The following ZNF227 variants were observed in gnomAD, a reference collection of about 807,000 sequenced individuals.
The protein encoded by ZNF227 is zinc finger protein 227.
ZNF227 carries 12 observed loss-of-function variants against 13.2 expected under a neutral mutation model. That is an observed-to-expected ratio of 0.91 (90% CI 0.58 to 1.47). ZNF227 has a LOEUF of 1.47. Among genes scored for constraint, ZNF227 ranks in the 40% most tolerant of loss-of-function variants. ZNF227 has a pLI of 0.00. For synonymous variants in ZNF227, 338 were observed against 326.0 expected (o/e 1.04, Z -0.40); for missense variants, 885 against 967.5 (o/e 0.91, Z 1.13).
In ZNF227 at chr19:44,228,527, T is replaced by C. The variant is rs148898696; in HGVS notation, c.142T>C (p.Tyr48His). 4 of 1,613,824 alleles carry C rather than the reference T, an allele frequency of 2.5e-6. No individual in the cohort carries two copies. Among genetic ancestry groups the C allele is most frequent in the Non-Finnish European group, 3.4e-6 (4 of 1,179,942 alleles). ...RLLDLTQRKL[Y>H]RDVMVENFKN... The stretch of plus-strand genomic sequence containing the variant: ...GCTCGATCTTACCCAGAGGAAGCTG[T>C]ACCGAGATGTCATGGTGGAGAACTT... Residue 48 changes from tyrosine (Y) to histidine (H), a missense_variant, in exon 4 of 6, where the codon TAC (tyrosine) becomes CAC (histidine). Physicochemically the swap from Tyr to His is moderately conservative, Grantham distance 83 (BLOSUM62 2). Transcript: ENST00000313040.
chr19:44,220,559 C>A (rs1972386059), intron 3 of ZNF227, among the ~76,000 whole-genome samples: 1 of 152,132 alleles, frequency 6.6e-6, no homozygotes, highest in Non-Finnish European at 1.5e-5. Context: ...TGGCCCTCCC[C>A]TCTCACCCAG....
chr19:44,218,073 C>G (rs978098611), intron 3 of ZNF227, among the ~76,000 whole-genome samples: 12 of 152,150 alleles, frequency 7.9e-5, no homozygotes. Context: ...ATAATCTATG[C>G]TACTACCCTG....
intron 3 of ZNF227, among the ~76,000 whole-genome samples, chr19:44,218,632 C>G (rs1226141579): frequency 6.6e-6 from 1 of 152,196 alleles, no homozygotes; most frequent in East Asian, 1.9e-4. Flanking sequence ...ACTTAGATGT[C>G]TTGCTAGCCC....
rs1452922936 is a variant in ZNF227 at position 44,222,288 on chromosome 19, T to A, written c.60+4436T>A. On this transcript the variant is annotated intron_variant, in intron 3 of 5. Transcript: ENST00000313040. ...TATGAACTTTACAGTAGTTTTTTCC[T>A]ATTCTGTGAAGAAAGTCATTGGTAG... is the stretch of plus-strand genomic sequence containing the variant. Among the ~76,000 whole-genome samples the A allele has an allele frequency of 4.6e-5, 7 of 152,126 alleles. No individual in the cohort carries two copies. In the South Asian group the frequency reaches 8.3e-4, roughly 18 times the overall value.
chr19:44,212,857 G>A (rs910068128), intron 1 of ZNF227: 2 of 152,188 alleles, frequency 1.3e-5, no homozygotes, highest in African/African-American at 4.8e-5. Flanking sequence ...GTGTAGGGTT[G>A]TAATTAGAAT....
intron 5 of ZNF227, among the ~76,000 whole-genome samples, chr19:44,231,691 A>T (rs1006826062): frequency 6.6e-6 from 1 of 152,236 alleles, no homozygotes; most frequent in African/African-American, 2.4e-5. Context: ...AGACAAGTAG[A>T]TATCACATCC....
At chr19:44,230,926 A>AAAAAAAAAAAAAATATAT (rs1555792168) in intron 5 of ZNF227, among the ~76,000 whole-genome samples, 3 of 68,134 alleles carry the variant, frequency 4.4e-5, no homozygotes, top group African/African-American at 2.9e-4. Context: ...AAAAAAAAAA[A>AAAAAAAAAAAAAATATAT]ATATATATAT....
intron 5 of ZNF227, among the ~76,000 whole-genome samples, chr19:44,231,283 T>G (rs753929871): frequency 1.1e-4 from 16 of 151,690 alleles, no homozygotes; most frequent in South Asian, 6.3e-4. Flanking sequence ...CCCAACTAAT[T>G]TTTGTATTTT....
intron 2 of ZNF227, among the ~76,000 whole-genome samples, chr19:44,215,205 C>T (rs1476065280): frequency 1.4e-5 from 2 of 145,924 alleles, no homozygotes; most frequent in African/African-American, 2.5e-5. Flanking sequence ...TCTCGCCTGT[C>T]GCCCAGACCG....
chr19:44,234,540 G>A (rs1011665972), intron 5 of ZNF227, among the ~76,000 whole-genome samples, 162 bp from the exon 6 acceptor site: 2 of 152,162 alleles, frequency 1.3e-5, no homozygotes, highest in African/African-American at 4.8e-5. Context: ...ACACCTGTAT[G>A]AAAAACATGT....
In ZNF227 at chr19:44,232,014, C is replaced by G. The variant is rs572907192; in HGVS notation, c.271+2198C>G. ...CCATACAGCTGACTTCCCACTTTCC[C>G]ATTTCCCCTTCCCTCTAATACCAAA... On this transcript the variant is annotated intron_variant, in intron 5 of 5. Coordinates refer to ENST00000313040, the MANE Select transcript of ZNF227 (RefSeq NM_182490.3). Among the ~76,000 whole-genome samples the G allele has an allele frequency of 1.1e-4, 16 of 152,298 alleles. No homozygotes were observed. In the South Asian group the frequency reaches 2.7e-3, roughly 26 times the overall value.
In ZNF227 at chr19:44,235,815, A is replaced by G. The variant is rs1449456820; in HGVS notation, c.1385A>G (p.Lys462Arg). 1.2e-6 allele frequency: 2 copies of G among 1,613,976 alleles called. No individual in the cohort carries two copies. Among genetic ancestry groups the G allele is most frequent in the Non-Finnish European group, 1.7e-6 (2 of 1,179,998 alleles). The change falls in exon 6 of 6, where the codon AAG (lysine) becomes AGG (arginine). Residue 462 changes from lysine to arginine, a missense_variant. Lys to Arg is a conservative substitution (Grantham distance 26). Coordinates refer to ENST00000313040, the MANE Select transcript of ZNF227 (RefSeq NM_182490.3). ...ICHRRVHTGE[K>R]PYKCEACGKG... ...CATCGGAGAGTCCACACAGGAGAGA[A>G]GCCATACAAGTGTGAGGCGTGTGGG...
intron 3 of ZNF227, among the ~76,000 whole-genome samples, chr19:44,223,991 C>T (rs553771533): frequency 6.6e-6 from 1 of 152,194 alleles, no homozygotes; most frequent in Non-Finnish European, 1.5e-5. Context: ...AACAAAGACA[C>T]ATCTTTATTT....
At chr19:44,211,873 C>T (rs1158513285), upstream of ZNF227, among the ~76,000 whole-genome samples, 4 of 117,988 alleles carry the variant, frequency 3.4e-5, no homozygotes, top group African/African-American at 9.6e-5. Flanking sequence ...ATCACGTGAT[C>T]TGTTTCTTAT....
chr19:44,235,897 G>A lies in ZNF227; in HGVS notation c.1467G>A (p.Glu489=). Residue 489 remains glutamate, a synonymous_variant, in exon 6 of 6, where the codon GAG becomes GAA. Coordinates refer to ENST00000313040, the MANE Select transcript of ZNF227 (RefSeq NM_182490.3). The stretch of plus-strand genomic sequence containing the variant: ...TTCATTTCAGAGTTCACACGGGAGA[G>A]AAACCCTATAAATGTAAGGAGTGTG... ...LHIHFRVHTG[E]KPYKCKECGK... 2 of 1,613,858 alleles carry A rather than the reference G, an allele frequency of 1.2e-6. No homozygotes were observed. Among genetic ancestry groups the A allele is most frequent in the Non-Finnish European group, 8.5e-7 (1 of 1,179,936 alleles).
In ZNF227 at chr19:44,236,447, T is replaced by C; in HGVS notation, c.2017T>C (p.Ser673Pro). 1 of 1,613,714 alleles carries C rather than the reference T, an allele frequency of 6.2e-7. No homozygotes were observed. The highest frequency in any genetic ancestry group is 8.5e-7 in the Non-Finnish European group (1 of 1,179,936). The change falls in exon 6 of 6, where the codon TCG (serine) becomes CCG (proline). Residue 673 changes from serine (S) to proline (P), a missense_variant. By Grantham distance (74) the Ser-to-Pro change is moderately conservative. Coordinates refer to ENST00000313040, the MANE Select transcript of ZNF227 (RefSeq NM_182490.3). ...GTGTGGAAAGGGCTTTAGATACAGT[T>C]CGCAGTTTATATACCATCAGAGAGG... is the stretch of plus-strand genomic sequence containing the variant. Reference protein sequence around the residue: ...DVCGKGFRYSSQFIYHQRGHT... With the variant: ...DVCGKGFRYSPQFIYHQRGHT...
chr19:44,230,926 A>AAAAAAAAAATATATATAT (rs1555792168), intron 5 of ZNF227, among the ~76,000 whole-genome samples: 6 of 68,110 alleles, frequency 8.8e-5, no homozygotes, highest in African/African-American at 4.9e-4. Flanking sequence ...AAAAAAAAAA[A>AAAAAAAAAATATATATAT]ATATATATAT....
chr19:44,232,005 C>T (rs1251413219), intron 5 of ZNF227, among the ~76,000 whole-genome samples: 1 of 152,190 alleles, frequency 6.6e-6, no homozygotes, highest in Admixed American at 6.5e-5. Context: ...AGCTGACTTC[C>T]CACTTTCCCA....
Position 44,236,946 on chromosome 19 carries a change from C to T in ZNF227, c.*116C>T, listed in dbSNP as rs2123000494. The T allele has an allele frequency of 1.3e-6, 1 of 768,668 alleles. No individual in the cohort carries two copies. Among genetic ancestry groups the T allele is most frequent in the African/African-American group, 1.8e-5 (1 of 57,120 alleles). The allele number at this position is 768,668 out of a possible 1,614,324, so 47.6% of individuals were successfully genotyped here. A position where few individuals can be genotyped will look rare whatever the true frequency, so the allele number is the denominator to read the frequency against. On this transcript the variant is annotated 3_prime_UTR_variant, in exon 6 of 6. Transcript: ENST00000313040. ...GAGAGTGGAAGGGGGTTTGTTCACACTTGGAATCTTTCTAACAAATCCATC... is the reference window on the plus strand; with the variant it reads ...GAGAGTGGAAGGGGGTTTGTTCACATTTGGAATCTTTCTAACAAATCCATC...
Sources: allele counts gnomAD v4.1 joint callset (sites outside exome capture counted in the v4.1 genomes callset), GRCh38; gene constraint gnomAD v4.1.1; transcripts MANE v1.5; gene names NCBI Gene and HGNC (gene_info 2026-07-23, HGNC 2026-07-21).